CTTN: variants seen among roughly 807,000 people sequenced by gnomAD.
CTTN encodes the protein cortactin, also known as src substrate cortactin.
CTTN carries 28 observed loss-of-function variants against 84.0 expected under a neutral mutation model. The ratio of observed to expected loss-of-function variants is 0.33; its 90% confidence interval spans 0.25 to 0.46. The LOEUF is 0.46. CTTN is among the 20% of genes least tolerant of loss of function. The pLI is 1.00. For synonymous variants in CTTN, 301 were observed against 288.8 expected (o/e 1.04, Z -0.43); for missense variants, 641 against 723.8 (o/e 0.89, Z 1.31).
intron 4 of CTTN, among the ~76,000 whole-genome samples, chr11:70,409,295 C>T (rs1056314843): frequency 1.3e-5 from 2 of 152,148 alleles, no homozygotes. Flanking sequence ...TCATCTGTTT[C>T]ATTATCTGCT....
chr11:70,414,507 G>A, intron 5 of CTTN, 35 bp from the exon 6 acceptor site: 4 of 1,480,658 alleles, frequency 2.7e-6, no homozygotes, highest in Non-Finnish European at 3.8e-6. Flanking sequence ...CAGTGTTGTT[G>A]GTGTCTAATG....
chr11:70,433,313 G>C, intron 16 of CTTN, 35 bp downstream of exon 16: 3 of 1,560,554 alleles, frequency 1.9e-6, no homozygotes, highest in Non-Finnish European at 2.6e-6. Context: ...CCCTGCCCAG[G>C]GCAGGGAGCT....
intron 2 of CTTN, among the ~76,000 whole-genome samples, chr11:70,405,937 C>A (rs1470544264): frequency 6.6e-6 from 1 of 152,244 alleles, no homozygotes; most frequent in Non-Finnish European, 1.5e-5. Context: ...AGCATGGTGC[C>A]ATGGGGCGGC....
intron 6 of CTTN, among the ~76,000 whole-genome samples, chr11:70,415,066 C>T (rs1251391974): frequency 2.0e-5 from 3 of 152,152 alleles, no homozygotes; most frequent in Non-Finnish European, 2.9e-5. Flanking sequence ...ATCCTAGGCC[C>T]GAGCCTCTTT....
chr11:70,409,076 GTCTT>G (rs2058073444), intron 4 of CTTN, among the ~76,000 whole-genome samples: 1 of 152,112 alleles, frequency 6.6e-6, no homozygotes, highest in South Asian at 2.1e-4. Context: ...TAGGAGTGGT[GTCTT>G]TCTTTCTCCT....
rs1295314485 is a variant in CTTN at position 70,405,319 on chromosome 11, CAG to C, written c.-41_-40del. On this transcript the variant is annotated 5_prime_UTR_variant, in exon 2 of 18. An upstream open reading frame in the 5' UTR loses its in-frame stop. Transcript: ENST00000301843. ...CCTCATTGGATTACTGTGTTTTAAA[CAG>C]AATTTCGTGAACAGCCTTTTATCTC... The C allele has an allele frequency of 1.3e-5, 2 of 152,148 alleles. No individual in the cohort carries two copies. The allele number at this position is 152,148 out of a possible 1,614,324, so 9.4% of individuals were successfully genotyped here. A position where few individuals can be genotyped will look rare whatever the true frequency, so the allele number is the denominator to read the frequency against.
chr11:70,418,387 G>A (rs1036161021), intron 8 of CTTN, among the ~76,000 whole-genome samples: 21 of 152,378 alleles, frequency 1.4e-4, no homozygotes, highest in African/African-American at 3.8e-4. Context: ...CATGCTCCGC[G>A]AAGCTGCATG....
At chr11:70,431,785 C>A (rs1052383425) in intron 15 of CTTN, among the ~76,000 whole-genome samples, 1 of 152,062 alleles carries the variant, frequency 6.6e-6, no homozygotes, top group Non-Finnish European at 1.5e-5. Context: ...GTGCTGCTGA[C>A]CCCCTCTCAT....
In CTTN at chr11:70,435,973, G is replaced by C. The variant is rs372664229; in HGVS notation, c.*811G>C. On this transcript the variant is annotated 3_prime_UTR_variant, in exon 18 of 18. Coordinates refer to ENST00000301843, the MANE Select transcript of CTTN (RefSeq NM_005231.4). ...TCGGGCTTGGCTTTTCACAAAGGCT[G>C]ATGTCTTAACTGTCACCCATATGGT... 5.6e-6 allele frequency: 8 copies of C among 1,431,956 alleles called. No individual in the cohort carries two copies. The highest frequency in any genetic ancestry group is 2.6e-4 in the Middle Eastern group (1 of 3,912). 88.7% of individuals were successfully genotyped at this position (1,431,956 alleles called of 1,614,324 possible).
At chr11:70,434,651 C>T (rs546142891) in intron 17 of CTTN, among the ~76,000 whole-genome samples, 5 of 152,402 alleles carry the variant, frequency 3.3e-5, no homozygotes, top group African/African-American at 1.2e-4. Flanking sequence ...CGGGTGTCCC[C>T]TGGCTGTCCT....
rs199756616 is a variant in CTTN, at chr11:70,429,249, G to A, written c.1176+50G>A. The A allele has an allele frequency of 3.9e-4, 621 of 1,572,940 alleles. No homozygotes were observed. The African/African-American group carries it at 7.2e-3, about 18-fold the overall frequency. ...GCGCACCCTCCCTGGGACCTGTGCC[G>A]AGGGGATTGGGAGCTCTGGGGCCTG... On this transcript the variant is annotated intron_variant, in intron 14 of 17. Coordinates refer to ENST00000301843, the MANE Select transcript of CTTN (RefSeq NM_005231.4).
At chr11:70,427,181 C>T (rs2058309292) in intron 13 of CTTN, among the ~76,000 whole-genome samples, 1 of 151,890 alleles carries the variant, frequency 6.6e-6, no homozygotes, top group Non-Finnish European at 1.5e-5. Context: ...GAAACCCTGT[C>T]TCTACTAAAG....
chr11:70,423,758 A>C (rs771203396), intron 12 of CTTN, among the ~76,000 whole-genome samples: 1 of 152,206 alleles, frequency 6.6e-6, no homozygotes, highest in Non-Finnish European at 1.5e-5. Context: ...GGAGAGCCCC[A>C]CACACCACAG....
At position 70,435,720 on chromosome 11, in the gene CTTN, A is replaced by C. The variant is rs941656182; in HGVS notation, c.*558A>C. ...GTCAGATGGGAAATCTGCCTATGTC[A>C]TACCGTGACAGCCCGCAGGATCAGG... is the stretch of plus-strand genomic sequence containing the variant. On this transcript the variant is annotated 3_prime_UTR_variant, in exon 18 of 18. Transcript: ENST00000301843. The C allele has an allele frequency of 6.3e-7, 1 of 1,598,038 alleles. No homozygotes were observed. The highest frequency in any genetic ancestry group is 8.5e-7 in the Non-Finnish European group (1 of 1,179,704).
intron 2 of CTTN, among the ~76,000 whole-genome samples, chr11:70,405,869 A>G (rs2058036214): frequency 6.6e-6 from 1 of 152,172 alleles, no homozygotes; most frequent in African/African-American, 2.4e-5. Context: ...CCACCTTCTC[A>G]GTGGTGGGAA....
In CTTN at chr11:70,431,050, A is replaced by G. The variant is rs2058348550; in HGVS notation, c.1177-141A>G. On this transcript the variant is annotated intron_variant, in intron 14 of 17. Coordinates refer to ENST00000301843, the MANE Select transcript of CTTN (RefSeq NM_005231.4). Reference sequence around the variant, plus strand: ...GGTGGGATCTGAGGCTTGGTGCTCCAGCTCAGCCTTGGTGTGGGTGTTTTC... The same window carrying G: ...GGTGGGATCTGAGGCTTGGTGCTCCGGCTCAGCCTTGGTGTGGGTGTTTTC... 30 of 803,894 alleles carry G rather than the reference A, an allele frequency of 3.7e-5. No homozygotes were observed. The South Asian group carries it at 4.6e-4, about 12-fold the overall frequency. 49.8% of individuals were successfully genotyped at this position (803,894 alleles called of 1,614,324 possible).
intron 13 of CTTN, among the ~76,000 whole-genome samples, chr11:70,427,370 T>A (rs1205426076): frequency 6.6e-6 from 1 of 152,058 alleles, no homozygotes; most frequent in African/African-American, 2.4e-5. Context: ...AATAATAATA[T>A]AACTGGCCAT....
At chr11:70,422,290 C>G in intron 11 of CTTN, 1 of 357,050 alleles carries the variant, frequency 2.8e-6, no homozygotes, top group South Asian at 2.1e-5. Flanking sequence ...AGGGAAGACT[C>G]TAGGCTTTCC....
chr11:70,401,519 G>A (rs1031702645), intron 1 of CTTN, among the ~76,000 whole-genome samples: 1 of 150,772 alleles, frequency 6.6e-6, no homozygotes, highest in African/African-American at 2.4e-5. Context: ...GTAGTGACAG[G>A]TGCCTGTAGT....
Sources: gnomAD v4.1 joint callset for allele counts (sites outside exome capture counted in the v4.1 genomes callset) on GRCh38, gnomAD v4.1.1 for gene constraint, MANE v1.5 for transcripts, NCBI Gene and HGNC (gene_info 2026-07-23, HGNC 2026-07-21) for gene names.